The following TLL1 variants were observed in gnomAD, a reference collection of about 807,000 sequenced individuals.
TLL1 encodes the protein tolloid like 1.
TLL1 carries 49 observed loss-of-function variants against 128.2 expected under a neutral mutation model. That is an observed-to-expected ratio of 0.38 (90% CI 0.30 to 0.48). TLL1 has a LOEUF of 0.48. TLL1 is among the 20% of genes least tolerant of loss of function. The pLI is 0.96. For synonymous variants in TLL1, 454 were observed against 418.8 expected, an observed-to-expected ratio of 1.08 and a Z score of -1.03; for missense variants, 1,123 against 1,242.0, an observed-to-expected ratio of 0.90 and a Z score of 1.44.
intron 19 of TLL1, among the ~76,000 whole-genome samples, chr4:166,096,484 C>T (rs1295775373): frequency 3.9e-5 from 6 of 151,994 alleles, no homozygotes; most frequent in Non-Finnish European, 8.8e-5. Context: ...CCTCTATGAA[C>T]TCATTTTTCC....
chr4:165,953,005 T>A (rs1052763200), intron 1 of TLL1, among the ~76,000 whole-genome samples: 7 of 152,080 alleles, frequency 4.6e-5, no homozygotes, highest in Non-Finnish European at 1.0e-4. Flanking sequence ...GGATTCAAAC[T>A]TTTTTTGGCA....
chr4:165,873,663 C>T lies in TLL1; in HGVS notation c.-242C>T, dbSNP rs1730590374. The T allele has an allele frequency of 2.0e-6, 1 of 489,714 alleles. No homozygotes were observed. The highest frequency in any genetic ancestry group is 3.7e-6 in the Non-Finnish European group (1 of 271,418). 30.3% of individuals were successfully genotyped at this position (489,714 alleles called of 1,614,324 possible). The stretch of plus-strand genomic sequence containing the variant: ...TCCGAGTGCAGAGTTCCTTACCTGC[C>T]CTCCGCCCACCCGTGGGCCCCTAGC... On this transcript the variant is annotated 5_prime_UTR_variant, in exon 1 of 21. Transcript: ENST00000061240.
chr4:165,897,943 A>G (rs1731761746), intron 1 of TLL1, among the ~76,000 whole-genome samples: 1 of 151,986 alleles, frequency 6.6e-6, no homozygotes, highest in South Asian at 2.1e-4. Context: ...GAGGTGCTTC[A>G]CATCCGTTGT....
chr4:166,002,837 GATAAACCAAC>G (rs1463847112), intron 5 of TLL1, among the ~76,000 whole-genome samples: 2 of 151,998 alleles, frequency 1.3e-5, no homozygotes, highest in Non-Finnish European at 2.9e-5. Context: ...TCTTCTTTTT[GATAAACCAAC>G]ATCTTTGATA....
At chr4:166,099,765 T>C (rs969186427) in intron 20 of TLL1, among the ~76,000 whole-genome samples, 7 of 152,124 alleles carry the variant, frequency 4.6e-5, no homozygotes, top group African/African-American at 1.7e-4. Context: ...GTAGGTATAA[T>C]TTCTTGTCAC....
intron 1 of TLL1, among the ~76,000 whole-genome samples, chr4:165,974,766 A>G (rs1443431545): frequency 6.6e-6 from 1 of 152,154 alleles, no homozygotes; most frequent in African/African-American, 2.4e-5. Context: ...AGCTCCAACA[A>G]CCCAGGATGG....
intron 10 of TLL1, among the ~76,000 whole-genome samples, chr4:166,039,688 T>G (rs760207207): frequency 3.3e-5 from 5 of 152,184 alleles, no homozygotes; most frequent in Non-Finnish European, 2.9e-5. Context: ...ATATAATGAT[T>G]GAGAATAGCT....
chr4:166,089,941 T>C (rs1741687849), intron 18 of TLL1, among the ~76,000 whole-genome samples: 1 of 152,020 alleles, frequency 6.6e-6, no homozygotes. Flanking sequence ...AAGTCAGAAG[T>C]GATAGTGGGT....
chr4:165,956,735 T>C (rs1734817481), intron 1 of TLL1, among the ~76,000 whole-genome samples: 1 of 152,088 alleles, frequency 6.6e-6, no homozygotes, highest in African/African-American at 2.4e-5. Flanking sequence ...TACAAAGATA[T>C]CAGGGTTAAG....
intron 1 of TLL1, among the ~76,000 whole-genome samples, chr4:165,950,572 TAG>T: frequency 6.6e-6 from 1 of 151,992 alleles, no homozygotes; most frequent in East Asian, 1.9e-4. Context: ...TTTACAATAA[TAG>T]AGGTAAAGTA....
At chr4:166,000,665 T>G (rs1737106807) in intron 5 of TLL1, among the ~76,000 whole-genome samples, 1 of 152,306 alleles carries the variant, frequency 6.6e-6, no homozygotes, top group East Asian at 1.9e-4. Context: ...TTCCTTACTA[T>G]TGACTTAAGG....
chr4:165,946,499 A>ATTTTT (rs59178153), intron 1 of TLL1, among the ~76,000 whole-genome samples: 4 of 128,956 alleles, frequency 3.1e-5, no homozygotes, highest in Non-Finnish European at 4.8e-5. Flanking sequence ...TACCCAGCTA[A>ATTTTT]TTTTTTTTTT....
intron 1 of TLL1, among the ~76,000 whole-genome samples, chr4:165,964,498 T>A (rs1215181703): frequency 6.6e-6 from 1 of 152,202 alleles, no homozygotes; most frequent in African/African-American, 2.4e-5. Flanking sequence ...ATCATGCAGA[T>A]CTGGGTTCCT....
At chr4:165,935,784 C>G (rs542969564) in intron 1 of TLL1, among the ~76,000 whole-genome samples, 80 of 152,308 alleles carry the variant, frequency 5.3e-4, no homozygotes, top group Non-Finnish European at 1.1e-3. Flanking sequence ...CTTCTTCAAT[C>G]TCTTTCTTTT....
chr4:165,890,512 G>T (rs1239093044), intron 1 of TLL1, among the ~76,000 whole-genome samples: 1 of 152,236 alleles, frequency 6.6e-6, no homozygotes, highest in East Asian at 1.9e-4. Context: ...TTCCAAATGG[G>T]AGAAATTAGC....
intron 5 of TLL1, among the ~76,000 whole-genome samples, chr4:165,998,506 C>T (rs1281051930): frequency 6.6e-6 from 1 of 151,992 alleles, no homozygotes; most frequent in Non-Finnish European, 1.5e-5. Context: ...AAAGTAGATA[C>T]TTTTGAGCCG....
chr4:166,096,998 A>G (rs1432691584), intron 19 of TLL1, among the ~76,000 whole-genome samples: 1 of 152,142 alleles, frequency 6.6e-6, no homozygotes, highest in African/African-American at 2.4e-5. Context: ...AATAACAATA[A>G]TAATGGTAGC....
rs115144609 is a variant in TLL1, at chr4:166,034,869, C to G, written c.1159-4470C>G. ...GCTGGGAAGCCCAAGGTCAAGGTGCCTGTAGATTCAGGTATCTGGTTAGTT... is the reference window on the plus strand; with the variant it reads ...GCTGGGAAGCCCAAGGTCAAGGTGCGTGTAGATTCAGGTATCTGGTTAGTT... On this transcript the variant is annotated intron_variant, in intron 9 of 20. Transcript: ENST00000061240. Among the ~76,000 whole-genome samples the G allele has an allele frequency of 3.9e-3, 592 of 152,250 alleles. 6 individuals are homozygous for G. Among genetic ancestry groups the G allele is most frequent in the South Asian group, 0.012 (59 of 4,828 alleles).
Position 166,061,669 on chromosome 4 carries a change from A to G in TLL1, c.2007+1481A>G, listed in dbSNP as rs548276746. On this transcript the variant is annotated intron_variant, in intron 15 of 20. Coordinates refer to ENST00000061240, the MANE Select transcript of TLL1 (RefSeq NM_012464.5). ...TGACTTCTGTGTTCTCTTAAAGAAA[A>G]TTAAAGTTTGAAATATGATGAACTT... Among the ~76,000 whole-genome samples the G allele has an allele frequency of 2.6e-5, 4 of 152,132 alleles. No homozygotes were observed. The South Asian group carries it at 8.3e-4, about 32-fold the overall frequency.
Sources: allele counts gnomAD v4.1 joint callset (sites outside exome capture counted in the v4.1 genomes callset), GRCh38; gene constraint gnomAD v4.1.1; transcripts MANE v1.5; gene names NCBI Gene and HGNC (gene_info 2026-07-23, HGNC 2026-07-21).